Variants in GNAT3 observed in about 807,000 individuals in gnomAD.
GNAT3 encodes the protein guanine nucleotide-binding protein G(t) subunit alpha-3.
GNAT3 carries 31 observed loss-of-function variants against 37.7 expected under a neutral mutation model. That is an observed-to-expected ratio of 0.82 (90% confidence interval 0.62 to 1.11). GNAT3 has a LOEUF of 1.11. GNAT3 is among the 50% of genes most tolerant of loss of function. GNAT3 has a pLI of 0.00. For synonymous variants in GNAT3, 138 were observed against 139.8 expected (o/e 0.99, Z 0.09); for missense variants, 437 against 412.5 (o/e 1.06, Z -0.51).
intron 1 of GNAT3, among the ~76,000 whole-genome samples, chr7:80,504,517 G>T (rs75020586): frequency 0.064 from 9,727 of 152,152 alleles, 447 homozygotes; most frequent in Admixed American, 0.11. Flanking sequence ...CATTTTAAAA[G>T]ATATCTATAT....
chr7:80,508,263 G>A (rs543585222), intron 1 of GNAT3, among the ~76,000 whole-genome samples: 29 of 148,592 alleles, frequency 2.0e-4, no homozygotes, highest in Middle Eastern at 3.4e-3. Flanking sequence ...CCCATGTGAT[G>A]GAAATTTGCA....
At chr7:80,465,225 A>C in intron 5 of GNAT3, among the ~76,000 whole-genome samples, 1 of 152,268 alleles carries the variant, frequency 6.6e-6, no homozygotes. Context: ...CTTTGTTGAA[A>C]TTACTTTTAA....
chr7:80,505,851 C>T (rs1431574716), intron 1 of GNAT3, among the ~76,000 whole-genome samples: 2 of 151,946 alleles, frequency 1.3e-5, no homozygotes, highest in African/African-American at 4.8e-5. Flanking sequence ...ACCTTTAATC[C>T]TACTTTAGGT....
chr7:80,501,102 A>G (rs1362801317), intron 1 of GNAT3, among the ~76,000 whole-genome samples: 1 of 152,118 alleles, frequency 6.6e-6, no homozygotes, highest in Non-Finnish European at 1.5e-5. Flanking sequence ...GGACTGTTTG[A>G]TAGAATTCCC....
chr7:80,497,576 A>ATGCG (rs1790744696), intron 1 of GNAT3, among the ~76,000 whole-genome samples: 2 of 140,828 alleles, frequency 1.4e-5, no homozygotes, highest in African/African-American at 5.3e-5. Flanking sequence ...GTATATACAT[A>ATGCG]TACGTATATA....
Position 80,512,060 on chromosome 7 carries a change from A to G in GNAT3, c.-134T>C. 1 of 576,850 alleles carries G rather than the reference A, an allele frequency of 1.7e-6. No homozygotes were observed. Among genetic ancestry groups the G allele is most frequent in the Non-Finnish European group, 3.1e-6 (1 of 324,242 alleles). The allele number at this position is 576,850 out of a possible 1,614,324, so 35.7% of individuals were successfully genotyped here. A position where few individuals can be genotyped will look rare whatever the true frequency, so the allele number is the denominator to read the frequency against. On this transcript the variant is annotated 5_prime_UTR_variant, in exon 1 of 8. Transcript: ENST00000398291. ...GCAGTCCATTCCCTAATGCTCTAAG[A>G]TTCTGCTTTGACTAAGGAGATGCTT...
At chr7:80,504,662 A>C (rs1453006414) in intron 1 of GNAT3, among the ~76,000 whole-genome samples, 3 of 152,232 alleles carry the variant, frequency 2.0e-5, no homozygotes, top group Non-Finnish European at 4.4e-5. Flanking sequence ...TAGTGGAACA[A>C]AAATTTTAAG....
chr7:80,468,204 G>A (rs1205728735), intron 5 of GNAT3, among the ~76,000 whole-genome samples: 1 of 151,748 alleles, frequency 6.6e-6, no homozygotes, highest in Non-Finnish European at 1.5e-5. Flanking sequence ...GTAAGCAGTC[G>A]GCAAAGCTTT....
chr7:80,502,051 C>A (rs1790842788), intron 1 of GNAT3, among the ~76,000 whole-genome samples: 1 of 151,726 alleles, frequency 6.6e-6, no homozygotes, highest in South Asian at 2.1e-4. Flanking sequence ...ATTTATAGTG[C>A]CTATAGTTAC....
At chr7:80,492,333 G>C (rs998450710) in intron 2 of GNAT3, among the ~76,000 whole-genome samples, 2 of 151,486 alleles carry the variant, frequency 1.3e-5, no homozygotes, top group Non-Finnish European at 2.9e-5. Context: ...GACAGAGCGA[G>C]ACCCTTTCTC....
chr7:80,474,846 A>C (rs1172956612), intron 4 of GNAT3, among the ~76,000 whole-genome samples: 1 of 152,162 alleles, frequency 6.6e-6, no homozygotes, highest in Non-Finnish European at 1.5e-5. Flanking sequence ...ATTATCCTCG[A>C]AATTCTGTAG....
intron 3 of GNAT3, among the ~76,000 whole-genome samples, chr7:80,481,520 A>G (rs1382500556): frequency 6.6e-6 from 1 of 152,202 alleles, no homozygotes. Flanking sequence ...TGACTCCAGT[A>G]TAGAGCAGGC....
intron 1 of GNAT3, among the ~76,000 whole-genome samples, chr7:80,510,965 T>A (rs1185134782): frequency 6.6e-6 from 1 of 152,146 alleles, no homozygotes. Context: ...GTACAACTCA[T>A]AATTGAATCA....
chr7:80,468,836 G>A (rs746393918), intron 5 of GNAT3, among the ~76,000 whole-genome samples: 9 of 152,066 alleles, frequency 5.9e-5, no homozygotes. Context: ...TCTACTAAAT[G>A]TGTGTGTGCA....
intron 1 of GNAT3, among the ~76,000 whole-genome samples, chr7:80,495,083 T>C (rs1186637695): frequency 6.6e-6 from 1 of 152,106 alleles, no homozygotes; most frequent in Admixed American, 6.5e-5. Flanking sequence ...TTTTTTTTAA[T>C]GGCTGAGTAG....
intron 2 of GNAT3, among the ~76,000 whole-genome samples, chr7:80,492,178 A>AG (rs1204396557): frequency 2.3e-5 from 2 of 88,752 alleles, no homozygotes; most frequent in East Asian, 6.8e-4. Context: ...AAAAATACCA[A>AG]AAAAAAAAAA....
rs1475049885 is a variant in GNAT3, at chr7:80,493,656, T to G, written c.161+949A>C. 1.7e-3 allele frequency among the ~76,000 whole-genome samples: 148 copies of G among 89,582 alleles called. 4 individuals carry two copies. The highest frequency in any genetic ancestry group is 9.2e-3 in the African/African-American group (143 of 15,478). The allele number at this position is 89,582 out of a possible 152,430, so 58.8% of individuals were successfully genotyped here. A position where few individuals can be genotyped will look rare whatever the true frequency, so the allele number is the denominator to read the frequency against. ...TCCTCTTTCCTCCTCCTCCTCCTCT[T>G]TCCTCCTCCTCCTCTTTCCTCCTCC... is the stretch of plus-strand genomic sequence containing the variant. On this transcript the variant is annotated intron_variant, in intron 2 of 7. Coordinates refer to ENST00000398291, the MANE Select transcript of GNAT3 (RefSeq NM_001102386.3).
At chr7:80,493,699 CCT>C (rs1369321248) in intron 2 of GNAT3, among the ~76,000 whole-genome samples, 1 of 123,950 alleles carries the variant, frequency 8.1e-6, no homozygotes, top group Non-Finnish European at 1.7e-5. Flanking sequence ...TCCTCCTCCT[CCT>C]CTTTGTTCCT....
At chr7:80,473,203 G>T (rs561633343) in intron 5 of GNAT3, among the ~76,000 whole-genome samples, 1 of 152,234 alleles carries the variant, frequency 6.6e-6, no homozygotes, top group East Asian at 1.9e-4. Flanking sequence ...CTTTACCCTG[G>T]TTTAATCTTT....
Sources: gnomAD v4.1 joint callset for allele counts (sites outside exome capture counted in the v4.1 genomes callset) on GRCh38, gnomAD v4.1.1 for gene constraint, MANE v1.5 for transcripts, NCBI Gene and HGNC (gene_info 2026-07-23, HGNC 2026-07-21) for gene names.